Variants in CORIN observed in about 807,000 individuals in gnomAD.
CORIN encodes corin, serine peptidase, also known as atrial natriuretic peptide-converting enzyme.
In CORIN, 117 loss-of-function variants were observed where a neutral mutation model predicts 125.3. The observed-to-expected ratio is 0.93, with a 90% CI of 0.80 to 1.09. CORIN has a LOEUF of 1.09. Ranked by LOEUF, CORIN falls within the 50% of genes least tolerant of loss-of-function variation. CORIN has a pLI of 0.00. For synonymous variants in CORIN, 450 were observed against 466.4 expected, an observed-to-expected ratio of 0.96 and a Z score of 0.45; for missense variants, 1,253 against 1,306.7, an observed-to-expected ratio of 0.96 and a Z score of 0.63.
chr4:47,814,420 G>A (rs941882431), intron 1 of CORIN, among the ~76,000 whole-genome samples: 1 of 152,060 alleles, frequency 6.6e-6, no homozygotes, highest in Admixed American at 6.6e-5. Flanking sequence ...TCTCCACTCT[G>A]TCCGTAGAGC....
At chr4:47,624,082 T>G in intron 17 of CORIN, 134 bp from the exon 18 acceptor site, 5 of 731,464 alleles carry the variant, frequency 6.8e-6, no homozygotes, top group Non-Finnish European at 1.1e-5. Flanking sequence ...ATTTCCTGTG[T>G]TACCACAGGA....
chr4:47,651,843 T>A (rs887614346), intron 13 of CORIN, among the ~76,000 whole-genome samples: 1 of 152,196 alleles, frequency 6.6e-6, no homozygotes, highest in Non-Finnish European at 1.5e-5. Context: ...GATAGTACTT[T>A]AAGTTTATTT....
intron 10 of CORIN, 65 bp from the exon 11 acceptor site, chr4:47,665,328 T>TG: frequency 3.3e-6 from 4 of 1,227,880 alleles, no homozygotes; most frequent in Non-Finnish European, 4.7e-6. Flanking sequence ...TCTTTAAGTT[T>TG]TACAAACTTG....
Position 47,616,252 on chromosome 4 carries a change from G to A in CORIN, c.2540+7319C>T, listed in dbSNP as rs557299379. ...AATATTTCATATATTTGATATTCAA[G>A]TATATTCATATTAATATTCACATAC... is the stretch of plus-strand genomic sequence containing the variant. On this transcript the variant is annotated intron_variant, in intron 19 of 21. Transcript: ENST00000273857. 1.6e-4 allele frequency among the ~76,000 whole-genome samples: 25 copies of A among 152,100 alleles called. 1 individual carries two copies. The highest frequency in any genetic ancestry group is 5.8e-4 in the African/African-American group (24 of 41,482).
chr4:47,826,745 G>A (rs898314391), intron 1 of CORIN, among the ~76,000 whole-genome samples: 3 of 151,976 alleles, frequency 2.0e-5, no homozygotes, highest in Non-Finnish European at 4.4e-5. Flanking sequence ...ATATTCACAG[G>A]TCTCAGGCAT....
intron 19 of CORIN, among the ~76,000 whole-genome samples, chr4:47,608,570 A>T (rs1328460493): frequency 6.6e-6 from 1 of 152,234 alleles, no homozygotes; most frequent in Non-Finnish European, 1.5e-5. Context: ...AAAACACCTT[A>T]TTCTTCTTTG....
In CORIN at chr4:47,837,872, A is replaced by T; in HGVS notation, c.63+15T>A. ...CACACCTGGCTGCGGTAGGACAGCG[A>T]ATCATCGATCTTACCGGCTTTGGGG... On this transcript the variant is annotated intron_variant, in intron 1 of 21. Coordinates refer to ENST00000273857, the MANE Select transcript of CORIN (RefSeq NM_006587.4). 1.2e-6 allele frequency: 2 copies of T among 1,610,920 alleles called. No homozygotes were observed. Among genetic ancestry groups the T allele is most frequent in the Non-Finnish European group, 1.7e-6 (2 of 1,177,506 alleles).
intron 1 of CORIN, among the ~76,000 whole-genome samples, chr4:47,810,182 GT>G (rs1355013429): frequency 1.3e-5 from 2 of 149,174 alleles, no homozygotes; most frequent in Non-Finnish European, 1.5e-5. Context: ...TTGTTTGTTT[GT>G]TTTTGGTGTT....
rs563398048 is a variant in CORIN at position 47,734,295 on chromosome 4, A to C, written c.799+10107T>G. On this transcript the variant is annotated intron_variant, in intron 5 of 21. Transcript: ENST00000273857. Reference sequence around the variant, plus strand: ...ATTTCCTTGGGCAAATGATTTCACAAGTTGGAAGAAGACGATTGAGACAAG... The same window carrying C: ...ATTTCCTTGGGCAAATGATTTCACACGTTGGAAGAAGACGATTGAGACAAG... Among the ~76,000 whole-genome samples, 7 of 152,356 alleles carry C rather than the reference A, an allele frequency of 4.6e-5. 1 individual carries two copies. The highest frequency in any genetic ancestry group is 2.6e-4 in the Admixed American group (4 of 15,304).
intron 6 of CORIN, among the ~76,000 whole-genome samples, chr4:47,691,704 T>TA (rs955561693): frequency 1.3e-5 from 2 of 152,018 alleles, no homozygotes; most frequent in African/African-American, 4.8e-5. Context: ...TCTAACCCTC[T>TA]AAGAAGTAGA....
At chr4:47,651,615 T>C (rs2109638823) in intron 13 of CORIN, among the ~76,000 whole-genome samples, 1 of 152,360 alleles carries the variant, frequency 6.6e-6, no homozygotes, top group Non-Finnish European at 1.5e-5. Context: ...CTGGAGCAAT[T>C]AATTGAACTC....
At chr4:47,719,916 A>AT (rs1347443379) in intron 5 of CORIN, among the ~76,000 whole-genome samples, 2 of 152,208 alleles carry the variant, frequency 1.3e-5, no homozygotes, top group Non-Finnish European at 2.9e-5. Context: ...AACCTGTCAT[A>AT]TGTTGCCCAC....
chr4:47,735,650 G>T (rs1728094071), intron 5 of CORIN, among the ~76,000 whole-genome samples: 1 of 152,136 alleles, frequency 6.6e-6, no homozygotes, highest in Non-Finnish European at 1.5e-5. Context: ...GCTGGGCATG[G>T]TGGCTCATGC....
intron 19 of CORIN, among the ~76,000 whole-genome samples, chr4:47,618,146 C>G (rs1722141252): frequency 6.6e-6 from 1 of 151,398 alleles, no homozygotes; most frequent in Admixed American, 6.6e-5. Flanking sequence ...ACCAGCCTGA[C>G]CAACATGGTG....
chr4:47,676,244 C>T (rs979595256), intron 9 of CORIN, among the ~76,000 whole-genome samples: 3 of 152,322 alleles, frequency 2.0e-5, no homozygotes, highest in Non-Finnish European at 4.4e-5. Context: ...CTTTCGTTCT[C>T]AGCTCTCTAA....
chr4:47,622,620 A>G (rs973754817), intron 19 of CORIN, among the ~76,000 whole-genome samples: 3 of 151,868 alleles, frequency 2.0e-5, no homozygotes, highest in African/African-American at 7.3e-5. Context: ...GCATTTTTTC[A>G]TGTGTTTTTT....
intron 11 of CORIN, among the ~76,000 whole-genome samples, chr4:47,662,944 T>G (rs1724316324): frequency 1.3e-5 from 2 of 152,208 alleles, no homozygotes; most frequent in African/African-American, 4.8e-5. Context: ...ATTTCTATAT[T>G]AGGTCAGGAA....
intron 10 of CORIN, among the ~76,000 whole-genome samples, chr4:47,670,128 G>A (rs985908075): frequency 3.3e-5 from 5 of 152,062 alleles, no homozygotes; most frequent in Admixed American, 6.6e-5. Flanking sequence ...TCTGAACCTC[G>A]GCAGCTGAAT....
intron 13 of CORIN, among the ~76,000 whole-genome samples, chr4:47,649,097 G>A (rs1159040301): frequency 6.6e-6 from 1 of 152,212 alleles, no homozygotes; most frequent in African/African-American, 2.4e-5. Flanking sequence ...CCATCCAGCT[G>A]GAAAGTCGCA....
Sources: allele counts gnomAD v4.1 joint callset (sites outside exome capture counted in the v4.1 genomes callset), GRCh38; gene constraint gnomAD v4.1.1; transcripts MANE v1.5; gene names NCBI Gene and HGNC (gene_info 2026-07-23, HGNC 2026-07-21).